BAIAP2L1: variants seen among roughly 807,000 people sequenced by gnomAD.
BAIAP2L1 encodes BAR/IMD domain containing adaptor protein 2 like 1.
In BAIAP2L1, 35 loss-of-function variants were observed where a neutral mutation model predicts 66.3. That is an observed-to-expected ratio of 0.53 (90% confidence interval 0.40 to 0.70). The LOEUF (loss-of-function observed/expected upper bound fraction) is 0.70. BAIAP2L1 is among the 30% of genes least tolerant of loss of function. The probability of loss-of-function intolerance (pLI) is 0.00; values close to 1 mark genes in which losing one functional copy is unlikely to be tolerated. For missense variants in BAIAP2L1, 622 were observed against 656.9 expected, an observed-to-expected ratio of 0.95 and a Z score of 0.58; for synonymous variants, 269 against 248.7, an observed-to-expected ratio of 1.08 and a Z score of -0.77.
chr7:98,383,973 G>A (rs1258272193), intron 1 of BAIAP2L1, among the ~76,000 whole-genome samples: 1 of 151,938 alleles, frequency 6.6e-6, no homozygotes, highest in Non-Finnish European at 1.5e-5. Flanking sequence ...GGCCAACAAG[G>A]TGAAACCCTG....
chr7:98,355,070 G>A lies in BAIAP2L1; in HGVS notation c.186C>T (p.Ala62=). 1 of 1,613,982 alleles carries A rather than the reference G, an allele frequency of 6.2e-7. No individual in the cohort carries two copies. Among genetic ancestry groups the A allele is most frequent in the Non-Finnish European group, 8.5e-7 (1 of 1,179,854 alleles). The change falls in exon 3 of 14, where the codon GCC becomes GCT. Residue 62 remains alanine (A), a synonymous_variant. Transcript: ENST00000005260. ...YDGVAKIGEI[A]TGSPVSTELG... ...GTTCAGTTGACACGGGGGACCCAGT[G>A]GCAATCTCACCGATCTTGGCCACTC...
At chr7:98,382,856 C>A (rs1181685200) in intron 1 of BAIAP2L1, among the ~76,000 whole-genome samples, 1 of 152,132 alleles carries the variant, frequency 6.6e-6, no homozygotes, top group East Asian at 1.9e-4. Context: ...AAGTAAAAAT[C>A]ATTTCTTCAA....
At chr7:98,385,395 T>G (rs1375370210) in intron 1 of BAIAP2L1, among the ~76,000 whole-genome samples, 1 of 152,156 alleles carries the variant, frequency 6.6e-6, no homozygotes, top group African/African-American at 2.4e-5. Context: ...TCTTTACTTT[T>G]ATTTCTCAGA....
At chr7:98,329,219 A>G (rs1801439830) in intron 3 of BAIAP2L1, among the ~76,000 whole-genome samples, 1 of 152,204 alleles carries the variant, frequency 6.6e-6, no homozygotes, top group Non-Finnish European at 1.5e-5. Context: ...AAAATAAGAA[A>G]CAGTAATTCT....
Position 98,292,124 on chromosome 7 carries a change from G to A in BAIAP2L1, c.*1397C>T, listed in dbSNP as rs1274338768. 2 of 155,596 alleles carry A rather than the reference G, an allele frequency of 1.3e-5. No individual in the cohort carries two copies. Among genetic ancestry groups the A allele is most frequent in the Non-Finnish European group, 2.8e-5 (2 of 70,240 alleles). 9.6% of individuals were successfully genotyped at this position (155,596 alleles called of 1,614,324 possible). On this transcript the variant is annotated 3_prime_UTR_variant, in exon 14 of 14. Transcript: ENST00000005260. ...TGCTGGACCTGGCTGGAAGGAGCCTGAAGCATCGGCCACGTCCACTGGCTT... is the reference window on the plus strand; with the variant it reads ...TGCTGGACCTGGCTGGAAGGAGCCTAAAGCATCGGCCACGTCCACTGGCTT...
intron 3 of BAIAP2L1, among the ~76,000 whole-genome samples, chr7:98,342,359 T>C (rs1032702304): frequency 6.6e-6 from 1 of 152,172 alleles, no homozygotes; most frequent in Non-Finnish European, 1.5e-5. Flanking sequence ...TGAGCCACCG[T>C]TCCTGGCTTC....
At chr7:98,364,663 T>G (rs760311839) in intron 1 of BAIAP2L1, among the ~76,000 whole-genome samples, 3 of 151,850 alleles carry the variant, frequency 2.0e-5, no homozygotes, top group African/African-American at 4.8e-5. Context: ...CAGAGTAGAT[T>G]GAAACTATTT....
At chr7:98,308,621 A>C in intron 9 of BAIAP2L1, 1 of 233,358 alleles carries the variant, frequency 4.3e-6, no homozygotes, top group Non-Finnish European at 8.7e-6. Context: ...GTCTCCATTC[A>C]AACACAGGCT....
intron 1 of BAIAP2L1, among the ~76,000 whole-genome samples, chr7:98,383,578 C>T (rs894298760): frequency 3.3e-5 from 5 of 152,030 alleles, no homozygotes; most frequent in African/African-American, 9.7e-5. Flanking sequence ...TGAGCCACTG[C>T]GCCCGGCCAT....
intron 2 of BAIAP2L1, among the ~76,000 whole-genome samples, chr7:98,358,637 A>G (rs1014228170): frequency 6.6e-6 from 1 of 152,150 alleles, no homozygotes; most frequent in Admixed American, 6.5e-5. Flanking sequence ...CATTACAGGC[A>G]TAAGCCACCA....
intron 3 of BAIAP2L1, among the ~76,000 whole-genome samples, chr7:98,342,432 T>C (rs1275562051): frequency 6.6e-6 from 1 of 152,202 alleles, no homozygotes; most frequent in Non-Finnish European, 1.5e-5. Flanking sequence ...GACAAATCTA[T>C]AATGTAGTTT....
intron 3 of BAIAP2L1, among the ~76,000 whole-genome samples, chr7:98,339,512 C>G (rs1454730147): frequency 6.6e-6 from 1 of 152,216 alleles, no homozygotes; most frequent in African/African-American, 2.4e-5. Context: ...CCCACCTGCA[C>G]TAACGAAGAC....
intron 1 of BAIAP2L1, chr7:98,386,075 T>C (rs1334615997): frequency 1.9e-6 from 3 of 1,558,136 alleles, no homozygotes; most frequent in African/African-American, 1.3e-5. Context: ...TCTCGGGTCA[T>C]GATTTCGATC....
rs57033582 is a variant in BAIAP2L1 at position 98,343,248 on chromosome 7, TACACACACACACAC to T, written c.214+11780_214+11793del. 5.3e-4 allele frequency among the ~76,000 whole-genome samples: 68 copies of T among 128,590 alleles called. No homozygotes were observed. In the South Asian group the frequency reaches 6.4e-3, roughly 12 times the overall value. 84.4% of individuals were successfully genotyped at this position (128,590 alleles called of 152,430 possible). On this transcript the variant is annotated intron_variant, in intron 3 of 13. Coordinates refer to ENST00000005260, the MANE Select transcript of BAIAP2L1 (RefSeq NM_018842.5). ...CCCTGTCTCTACTGGAAAAAAAAAA[TACACACACACACAC>T]ACACACACACACACACACACACACA...
At chr7:98,293,662 C>T in intron 13 of BAIAP2L1, 66 bp from the exon 14 acceptor site, 3 of 1,487,550 alleles carry the variant, frequency 2.0e-6, no homozygotes, top group Non-Finnish European at 2.8e-6. Context: ...TTTAACAGTG[C>T]TAATAACCCG....
intron 1 of BAIAP2L1, among the ~76,000 whole-genome samples, chr7:98,386,751 G>A (rs1802903245): frequency 8.2e-6 from 1 of 122,640 alleles, no homozygotes; most frequent in South Asian, 2.8e-4. Context: ...CCAGGCTGGA[G>A]TGCAGTGGTG....
chr7:98,399,108 C>T (rs1459188251), intron 1 of BAIAP2L1, among the ~76,000 whole-genome samples: 1 of 152,164 alleles, frequency 6.6e-6, no homozygotes, highest in Non-Finnish European at 1.5e-5. Flanking sequence ...CAACGTCTTC[C>T]GGGTCATTTA....
chr7:98,387,918 C>G (rs1386953319), intron 1 of BAIAP2L1, among the ~76,000 whole-genome samples: 5 of 152,048 alleles, frequency 3.3e-5, no homozygotes, highest in Admixed American at 3.3e-4. Flanking sequence ...AAAAAACCTT[C>G]AAGGACCATA....
intron 12 of BAIAP2L1, among the ~76,000 whole-genome samples, chr7:98,298,218 G>A (rs1486415741): frequency 1.3e-5 from 2 of 152,238 alleles, no homozygotes; most frequent in Non-Finnish European, 2.9e-5. Context: ...CTTCCCAGGT[G>A]AGTGGGATGC....
Sources: allele counts gnomAD v4.1 joint callset (sites outside exome capture counted in the v4.1 genomes callset), GRCh38; gene constraint gnomAD v4.1.1; transcripts MANE v1.5; gene names NCBI Gene and HGNC (gene_info 2026-07-23, HGNC 2026-07-21).